SLC9B2: variants seen among roughly 807,000 people sequenced by gnomAD.
The protein encoded by SLC9B2 is sodium/hydrogen exchanger 9B2.
A neutral mutation model predicts 52.2 loss-of-function variants in SLC9B2; 39 were observed. The observed-to-expected ratio is 0.75, with a 90% CI of 0.58 to 0.98. The LOEUF (loss-of-function observed/expected upper bound fraction) is 0.98. Ranked by LOEUF, SLC9B2 falls within the 50% of genes least tolerant of loss-of-function variation. The pLI is 0.00. For missense variants in SLC9B2, 626 were observed against 637.5 expected, an observed-to-expected ratio of 0.98 and a Z score of 0.19; for synonymous variants, 214 against 227.0, an observed-to-expected ratio of 0.94 and a Z score of 0.51.
intron 5 of SLC9B2, 66 bp from the exon 6 acceptor site, chr4:103,049,086 T>G: frequency 6.4e-7 from 1 of 1,570,644 alleles, no homozygotes; most frequent in Non-Finnish European, 8.7e-7. Flanking sequence ...TGACCTTGAA[T>G]GCTTTCTCTT....
At chr4:103,018,469 T>A (rs938042184), downstream of SLC9B2, among the ~76,000 whole-genome samples, 2 of 152,200 alleles carry the variant, frequency 1.3e-5, no homozygotes, top group African/African-American at 4.8e-5. Context: ...ACACAGTGAC[T>A]AAAATATTTG....
Position 103,058,118 on chromosome 4 carries a change from T to C in SLC9B2, c.272-147A>G. On this transcript the variant is annotated intron_variant, in intron 3 of 11. Transcript: ENST00000394785. ...TAATCTGTAAAGAGTATCAGTAAGA[T>C]GACCAACTGGGTAACTGCCAACATC... 16 of 762,862 alleles carry C rather than the reference T, an allele frequency of 2.1e-5. No homozygotes were observed. In the South Asian group the frequency reaches 3.1e-4, roughly 15 times the overall value. The allele number at this position is 762,862 out of a possible 1,614,324, so 47.3% of individuals were successfully genotyped here.
Position 103,025,023 on chromosome 4 carries a change from C to T in SLC9B2, c.*1347G>A, listed in dbSNP as rs979900076. 1.3e-5 allele frequency among the ~76,000 whole-genome samples: 2 copies of T among 152,206 alleles called. No individual in the cohort carries two copies. Among genetic ancestry groups the T allele is most frequent in the African/African-American group, 2.4e-5 (1 of 41,454 alleles). ...GCTACTGAATGATGGTAACATCCAA[C>T]ACAGTGGAAGCTCTGGCCCCGAAAA... On this transcript the variant is annotated 3_prime_UTR_variant, in exon 12 of 12. Coordinates refer to ENST00000394785, the MANE Select transcript of SLC9B2 (RefSeq NM_178833.7).
chr4:103,029,880 G>C (rs1434361804), intron 10 of SLC9B2, among the ~76,000 whole-genome samples: 2 of 152,156 alleles, frequency 1.3e-5, no homozygotes, highest in South Asian at 2.1e-4. Context: ...GAAAGGATAA[G>C]TAGTTTTCTC....
chr4:103,051,893 C>A lies in SLC9B2; in HGVS notation c.443-1511G>T, dbSNP rs148815851. 1.3e-3 allele frequency among the ~76,000 whole-genome samples: 203 copies of A among 152,232 alleles called. 1 individual carries two copies. The highest frequency in any genetic ancestry group is 4.8e-3 in the African/African-American group (199 of 41,530). On this transcript the variant is annotated intron_variant, in intron 4 of 11. Transcript: ENST00000394785. ...GAAGCACATATATATTTGCTTTATT[C>A]TCTTTTAATAACTGGAATAGTATCT... is the stretch of plus-strand genomic sequence containing the variant.
In SLC9B2 at chr4:103,024,152, G is replaced by T. The variant is rs879465716; in HGVS notation, c.*2218C>A. Reference sequence around the variant, plus strand: ...TTGTTTTGCAATGTCTTGTTTAACTGTCTGTTTTCTCTATTGGACTGTTAA... The same window carrying T: ...TTGTTTTGCAATGTCTTGTTTAACTTTCTGTTTTCTCTATTGGACTGTTAA... On this transcript the variant is annotated 3_prime_UTR_variant, in exon 12 of 12. Coordinates refer to ENST00000394785, the MANE Select transcript of SLC9B2 (RefSeq NM_178833.7). Among the ~76,000 whole-genome samples, 1 of 152,098 alleles carries T rather than the reference G, an allele frequency of 6.6e-6. No individual in the cohort carries two copies.
At chr4:103,065,533 C>A (rs1205559377) in intron 3 of SLC9B2, 1 of 151,922 alleles carries the variant, frequency 6.6e-6, no homozygotes, top group Non-Finnish European at 1.5e-5. Context: ...AATTTTAAGT[C>A]TCAATAAAAG....
downstream of SLC9B2, among the ~76,000 whole-genome samples, chr4:103,022,106 C>T (rs575771061): frequency 2.6e-5 from 4 of 152,296 alleles, no homozygotes; most frequent in African/African-American, 9.6e-5. Context: ...CAATTTTCCA[C>T]TAGAATCAAG....
intron 8 of SLC9B2, 138 bp from the exon 9 acceptor site, chr4:103,043,583 T>G: frequency 2.8e-6 from 2 of 711,168 alleles, no homozygotes; most frequent in Non-Finnish European, 4.5e-6. Flanking sequence ...GTGCACTACA[T>G]AACATTTACT....
chr4:103,066,435 T>C lies in SLC9B2; in HGVS notation c.163A>G (p.Ser55Gly). Residue 55 changes from serine (S) to glycine (G), a missense_variant, in exon 3 of 12, where the codon AGT becomes GGT. Ser to Gly is a moderately conservative substitution (Grantham distance 56). Transcript: ENST00000394785. ...GGTGTTTCTTGTAGCTTTTTTTCACTGCTTTTCAAAAGAATACTTCCTTCT... is the reference window on the plus strand; with the variant it reads ...GGTGTTTCTTGTAGCTTTTTTTCACCGCTTTTCAAAAGAATACTTCCTTCT... ...PTEGSILLKS[S>G]EKKLQETPTE... The C allele has an allele frequency of 6.2e-7, 1 of 1,614,140 alleles. No homozygotes were observed. The highest frequency in any genetic ancestry group is 8.5e-7 in the Non-Finnish European group (1 of 1,179,972).
At position 103,047,227 on chromosome 4, in the gene SLC9B2, C is replaced by T; in HGVS notation, c.714-1G>A. On this transcript the variant is annotated splice_acceptor_variant, in intron 6 of 11. Coordinates refer to ENST00000394785, the MANE Select transcript of SLC9B2 (RefSeq NM_178833.7). LOFTEE classifies it high-confidence loss of function. The stretch of plus-strand genomic sequence containing the variant: ...TGGAGATACAGCACCTAAAACAAAA[C>T]TAGGCAGACAGCATTTTAAACATTT... 1 of 1,608,826 alleles carries T rather than the reference C, an allele frequency of 6.2e-7. No individual in the cohort carries two copies. The highest frequency in any genetic ancestry group is 8.5e-7 in the Non-Finnish European group (1 of 1,177,026).
In SLC9B2 at chr4:103,030,784, C is replaced by T. The variant is rs1014415811; in HGVS notation, c.1255+916G>A. 2.0e-5 allele frequency among the ~76,000 whole-genome samples: 3 copies of T among 152,006 alleles called. 1 individual carries two copies. The highest frequency in any genetic ancestry group is 6.8e-3 in the Middle Eastern group (2 of 294). ...TAAGTATATTCACACTATTATGCAACCAATCTCCAGAATTTTTTCATCTCA... is the reference window on the plus strand; with the variant it reads ...TAAGTATATTCACACTATTATGCAATCAATCTCCAGAATTTTTTCATCTCA... On this transcript the variant is annotated intron_variant, in intron 10 of 11. Coordinates refer to ENST00000394785, the MANE Select transcript of SLC9B2 (RefSeq NM_178833.7).
Position 103,044,990 on chromosome 4 carries a change from G to A in SLC9B2, c.896C>T (p.Thr299Ile), listed in dbSNP as rs1179659543. Residue 299 changes from threonine (T) to isoleucine (I), a missense_variant, in exon 8 of 12, where the codon ACT (threonine) becomes ATT (isoleucine). Physicochemically the swap from Thr to Ile is moderately conservative, Grantham distance 89 (BLOSUM62 -1). Transcript: ENST00000394785. The part of the protein sequence containing the change: ...CLGIAFSTGS[T>I]VFNVLRGVLE... Reference sequence around the variant, plus strand: ...AACTCCTCTGAGGACATTAAAGACAGTAGAGCCTGAAAAATATATTAAAAA... The same window carrying A: ...AACTCCTCTGAGGACATTAAAGACAATAGAGCCTGAAAAATATATTAAAAA... The A allele has an allele frequency of 6.2e-7, 1 of 1,608,344 alleles. No individual in the cohort carries two copies. Among genetic ancestry groups the A allele is most frequent in the African/African-American group, 1.3e-5 (1 of 74,672 alleles).
chr4:103,023,258 G>A lies in SLC9B2; in HGVS notation c.*3112C>T, dbSNP rs970210128. Among the ~76,000 whole-genome samples the A allele has an allele frequency of 6.6e-6, 1 of 152,154 alleles. No individual in the cohort carries two copies. The highest frequency in any genetic ancestry group is 1.5e-5 in the Non-Finnish European group (1 of 68,036). ...ATGCTGAGGATTCAAGGATAATTAA[G>A]ACAAGGTTCCTACCCATAGGGAGCT... On this transcript the variant is annotated 3_prime_UTR_variant, in exon 12 of 12. Transcript: ENST00000394785.
intron 9 of SLC9B2, among the ~76,000 whole-genome samples, chr4:103,035,475 T>C (rs573829531): frequency 1.3e-5 from 2 of 152,210 alleles, no homozygotes; most frequent in Non-Finnish European, 2.9e-5. Context: ...ACAGAATGAT[T>C]TATATTCCTT....
rs1310387516 is a variant in SLC9B2, at chr4:103,022,419, GAT to G, written c.*3949_*3950del. On this transcript the variant is annotated 3_prime_UTR_variant, in exon 12 of 12. Transcript: ENST00000394785. ...CTTTCACCCAACAAATTCAGTTGAT[GAT>G]ATATCTTTCTGAAAATAATACATCC... 1.3e-5 allele frequency among the ~76,000 whole-genome samples: 2 copies of G among 152,090 alleles called. No homozygotes were observed. The highest frequency in any genetic ancestry group is 2.9e-5 in the Non-Finnish European group (2 of 68,008).
intron 9 of SLC9B2, among the ~76,000 whole-genome samples, chr4:103,039,534 C>T (rs1175399937): frequency 6.6e-6 from 1 of 152,106 alleles, no homozygotes; most frequent in Non-Finnish European, 1.5e-5. Context: ...AAGAACTTTC[C>T]TGAGTACTAA....
intron 10 of SLC9B2, among the ~76,000 whole-genome samples, chr4:103,030,342 G>A (rs1329270287): frequency 6.6e-6 from 1 of 152,162 alleles, no homozygotes; most frequent in South Asian, 2.1e-4. Flanking sequence ...GGCTCAAACA[G>A]CACTGGGAAA....
intron 6 of SLC9B2, 94 bp from the exon 7 acceptor site, chr4:103,047,320 G>T: frequency 2.0e-6 from 2 of 984,838 alleles, no homozygotes; most frequent in Admixed American, 3.3e-5. Flanking sequence ...GTTATACTTG[G>T]ACAACAACAG....
Sources: gnomAD v4.1 joint callset for allele counts (sites outside exome capture counted in the v4.1 genomes callset) on GRCh38, gnomAD v4.1.1 for gene constraint, MANE v1.5 for transcripts, NCBI Gene and HGNC (gene_info 2026-07-23, HGNC 2026-07-21) for gene names.